The following EPRS1 variants were observed in gnomAD, a reference collection of about 807,000 sequenced individuals.
EPRS1 encodes glutamyl-prolyl-tRNA synthetase 1, also known as bifunctional glutamate/proline--tRNA ligase.
A neutral mutation model predicts 188.3 loss-of-function variants in EPRS1; 107 were observed. The observed-to-expected ratio is 0.57, with a 90% CI of 0.49 to 0.67. EPRS1 has a LOEUF of 0.67. EPRS1 is among the 30% of genes least tolerant of loss of function. The pLI, the probability that EPRS1 is intolerant of heterozygous loss-of-function variation, is 0.00. For synonymous variants in EPRS1, 596 were observed against 593.1 expected, an observed-to-expected ratio of 1.00 and a Z score of -0.07; for missense variants, 1,577 against 1,802.2, an observed-to-expected ratio of 0.88 and a Z score of 2.26.
intron 20 of EPRS1, among the ~76,000 whole-genome samples, chr1:219,984,781 G>A (rs972420929): frequency 4.6e-5 from 7 of 151,504 alleles, no homozygotes; most frequent in South Asian, 2.1e-4. Flanking sequence ...AGTGGCTCAC[G>A]CCTGTAATCC....
intron 18 of EPRS1, among the ~76,000 whole-genome samples, chr1:219,994,637 CTTCTTTTT>C (rs1661193053): frequency 8.3e-6 from 1 of 121,032 alleles, no homozygotes; most frequent in Non-Finnish European, 1.6e-5. Flanking sequence ...GTGGTAACTT[CTTCTTTTT>C]TTTTTTTTTT....
chr1:219,983,982 T>TA (rs879344601), intron 21 of EPRS1, among the ~76,000 whole-genome samples: 53 of 145,106 alleles, frequency 3.7e-4, no homozygotes, highest in East Asian at 2.0e-3. Context: ...TTATCTCACC[T>TA]AAAAAAAAAA....
intron 28 of EPRS1, among the ~76,000 whole-genome samples, chr1:219,976,420 T>C (rs1660781581): frequency 6.6e-6 from 1 of 152,246 alleles, no homozygotes; most frequent in African/African-American, 2.4e-5. Context: ...AATGGGGGTC[T>C]AGAATTAGAC....
Position 220,024,290 on chromosome 1 carries a change from C to A in EPRS1, c.917G>T (p.Arg306Met), listed in dbSNP as rs148811881. 1.1e-5 allele frequency: 17 copies of A among 1,599,746 alleles called. No individual in the cohort carries two copies. Among genetic ancestry groups the A allele is most frequent in the African/African-American group, 2.7e-5 (2 of 74,002 alleles). The change falls in exon 8 of 32, where the codon AGG (arginine) becomes ATG (methionine). Residue 306 changes from arginine (R) to methionine (M), a missense_variant. Physicochemically the swap from Arg to Met is moderately conservative, Grantham distance 91 (BLOSUM62 -1). Around this residue, in one of 3 missense-constraint regions of EPRS1, gnomAD observed 1,278 missense variants for 1,457.4 expected, o/e 0.88. Coordinates refer to ENST00000366923, the MANE Select transcript of EPRS1 (RefSeq NM_004446.3). ...GTTTTTTCTATGTTTAGAGTCTATC[C>A]TCTGCTCACGTTCTGCTTTCATCTG... ...AEQMKAEREQ[R>M]IDSKHRKNPI...
At chr1:219,975,672 G>A (rs1419615549) in intron 28 of EPRS1, among the ~76,000 whole-genome samples, 1 of 152,090 alleles carries the variant, frequency 6.6e-6, no homozygotes, top group African/African-American at 2.4e-5. Context: ...CCTGACCTCA[G>A]ACGATCCACC....
intron 18 of EPRS1, among the ~76,000 whole-genome samples, chr1:219,993,562 G>T (rs943196482): frequency 6.6e-6 from 1 of 152,240 alleles, no homozygotes; most frequent in South Asian, 2.1e-4. Flanking sequence ...AAGTCTAGTT[G>T]AAGCTGGTAA....
chr1:220,006,354 C>T (rs1166001746), intron 14 of EPRS1, 41 bp from the exon 15 acceptor site: 4 of 785,908 alleles, frequency 5.1e-6, no homozygotes, highest in South Asian at 3.1e-5. Context: ...ATATTAACCA[C>T]AGCTGCCATA....
At chr1:219,976,711 A>G (rs534137506) in intron 28 of EPRS1, among the ~76,000 whole-genome samples, 1 of 152,336 alleles carries the variant, frequency 6.6e-6, no homozygotes. Flanking sequence ...GTGGAAAAAC[A>G]GGCTGTCTGT....
intron 7 of EPRS1, 140 bp downstream of exon 7, chr1:220,024,992 G>A: frequency 1.3e-6 from 1 of 787,400 alleles, no homozygotes; most frequent in Non-Finnish European, 2.1e-6. Context: ...TCTTGGCTTA[G>A]GTCTCAGATA....
In EPRS1 at chr1:220,002,210, T is replaced by C. The variant is rs558761016; in HGVS notation, c.2064-955A>G. ...AGCCAGGTATGGTGGCGGGCGCCTG[T>C]AATCCCAGCTACTTTGGAGGCTGGG... is the stretch of plus-strand genomic sequence containing the variant. On this transcript the variant is annotated intron_variant, in intron 16 of 31. Coordinates refer to ENST00000366923, the MANE Select transcript of EPRS1 (RefSeq NM_004446.3). 1.9e-3 allele frequency among the ~76,000 whole-genome samples: 290 copies of C among 151,954 alleles called. 1 individual carries two copies. The highest frequency in any genetic ancestry group is 0.01 in the Middle Eastern group (3 of 292).
intron 28 of EPRS1, among the ~76,000 whole-genome samples, chr1:219,976,732 G>C (rs1558270137): frequency 6.6e-6 from 1 of 152,142 alleles, no homozygotes; most frequent in Non-Finnish European, 1.5e-5. Flanking sequence ...GAAGAAGAGA[G>C]AAAACGGCAT....
intron 13 of EPRS1, among the ~76,000 whole-genome samples, chr1:220,008,187 G>A (rs1001522800): frequency 1.3e-5 from 2 of 151,274 alleles, no homozygotes; most frequent in African/African-American, 4.9e-5. Context: ...AGTCATTCTT[G>A]AGCAGTGGCT....
chr1:219,975,774 A>G (rs1660764681), intron 28 of EPRS1, among the ~76,000 whole-genome samples: 1 of 152,156 alleles, frequency 6.6e-6, no homozygotes, highest in African/African-American at 2.4e-5. Context: ...AAGTATAGAT[A>G]TAAACTCTTG....
intron 13 of EPRS1, among the ~76,000 whole-genome samples, chr1:220,010,290 TAA>T (rs1340939360): frequency 6.6e-6 from 1 of 152,014 alleles, no homozygotes; most frequent in Non-Finnish European, 1.5e-5. Context: ...AGATTCCATA[TAA>T]AGATAGGAGC....
chr1:220,039,335 G>A (rs1415263075), intron 2 of EPRS1, among the ~76,000 whole-genome samples: 3 of 152,070 alleles, frequency 2.0e-5, no homozygotes, highest in African/African-American at 7.2e-5. Flanking sequence ...TTCAGGAGCT[G>A]GTGTTGCAGA....
chr1:219,988,592 T>G lies in EPRS1; in HGVS notation c.2773A>C (p.Lys925Gln), dbSNP rs35325299. The G allele has an allele frequency of 3.9e-4, 626 of 1,603,098 alleles. 4 individuals carry two copies. The African/African-American group carries it at 7.7e-3, about 20-fold the overall frequency. The change falls in exon 19 of 32, where the codon AAG (lysine) becomes CAG (glutamine). Residue 925 changes from lysine (K) to glutamine (Q), a missense_variant and splice_region_variant. Lys to Gln is a moderately conservative substitution (Grantham distance 53). Transcript: ENST00000366923. Reference protein sequence around the residue: ...VRKLKTEKAPKDQVDIAVQEL... With the variant: ...VRKLKTEKAPQDQVDIAVQEL... ...TATAAACAAAATAACACACTAACCT[T>G]AGGGGCTTTTTCAGTTTTAAGTTTC... is the stretch of plus-strand genomic sequence containing the variant.
intron 2 of EPRS1, among the ~76,000 whole-genome samples, chr1:220,037,606 G>C (rs1410040555): frequency 6.6e-6 from 1 of 150,502 alleles, no homozygotes; most frequent in Non-Finnish European, 1.5e-5. Flanking sequence ...CAAAAATAGA[G>C]AGAAAAACAT....
At chr1:219,971,295 T>G (rs1660659443) in intron 30 of EPRS1, among the ~76,000 whole-genome samples, 1 of 152,204 alleles carries the variant, frequency 6.6e-6, no homozygotes, top group Non-Finnish European at 1.5e-5. Context: ...AATTCTTCTT[T>G]ATGAAACTTT....
chr1:220,001,290 T>C (rs372760271), intron 16 of EPRS1, 35 bp from the exon 17 acceptor site: 21 of 1,242,812 alleles, frequency 1.7e-5, no homozygotes, highest in African/African-American at 3.0e-5. Flanking sequence ...ATAGTTTATT[T>C]GAACAAAATT....
Sources: allele counts gnomAD v4.1 joint callset (sites outside exome capture counted in the v4.1 genomes callset), GRCh38; gene constraint gnomAD v4.1.1; regional missense constraint gnomAD v4.1.1; transcripts MANE v1.5; gene names NCBI Gene and HGNC (gene_info 2026-07-23, HGNC 2026-07-21).